Variants in SCIN observed in about 807,000 individuals in gnomAD.
SCIN encodes the protein scinderin.
In SCIN, 91 loss-of-function variants were observed where a neutral mutation model predicts 91.8. That is an observed-to-expected ratio of 0.99 (90% CI 0.84 to 1.18). The LOEUF is 1.18. Ranked by LOEUF, SCIN falls within the 50% of genes most tolerant of loss-of-function variation. The probability of loss-of-function intolerance (pLI) is 0.00; values close to 1 mark genes in which losing one functional copy is unlikely to be tolerated. For missense variants in SCIN, 1,087 were observed against 863.9 expected (o/e 1.26, Z -3.24); for synonymous variants, 367 against 312.6 (o/e 1.17, Z -1.84).
intron 4 of SCIN, among the ~76,000 whole-genome samples, chr7:12,618,390 AAT>A (rs1352571117): frequency 6.6e-6 from 1 of 152,078 alleles, no homozygotes; most frequent in Non-Finnish European, 1.5e-5. Flanking sequence ...TTTTTATCCA[AAT>A]ATGCTTTCCT....
chr7:12,649,961 A>G (rs572756299), intron 14 of SCIN, among the ~76,000 whole-genome samples: 40 of 152,286 alleles, frequency 2.6e-4, no homozygotes, highest in African/African-American at 9.1e-4. Context: ...CCTGGGGAAG[A>G]AACAGGCAGA....
At chr7:12,625,431 C>CTTTTTTTTTTTTTTTTTTTTTTTTT (rs10656602) in intron 6 of SCIN, among the ~76,000 whole-genome samples, 2 of 97,556 alleles carry the variant, frequency 2.1e-5, no homozygotes, top group African/African-American at 4.1e-5. Context: ...TTTTGCTATT[C>CTTTTTTTTTTTTTTTTTTTTTTTTT]TTTTTTTTTT....
chr7:12,591,477 G>A (rs1782721176), intron 3 of SCIN, among the ~76,000 whole-genome samples: 1 of 152,178 alleles, frequency 6.6e-6, no homozygotes. Flanking sequence ...GCAAAGGAAG[G>A]AGGATTTCCT....
At position 12,626,711 on chromosome 7, in the gene SCIN, A is replaced by C. The variant is rs968517201; in HGVS notation, c.1109A>C (p.Gln370Pro). The change falls in exon 8 of 16, where the codon CAA becomes CCA. Residue 370 changes from glutamine (Q) to proline (P), a missense_variant. Coordinates refer to ENST00000297029, the MANE Select transcript of SCIN (RefSeq NM_001112706.3). The stretch of plus-strand genomic sequence containing the variant: ...ACAGAGAAAGTGGCTCAAATAAAAC[A>C]AATTCCCTTTGATGCCTCAAAATTA... ...YVTEKVAQIK[Q>P]IPFDASKLHS... 1 of 1,602,246 alleles carries C rather than the reference A, an allele frequency of 6.2e-7. No homozygotes were observed. The highest frequency in any genetic ancestry group is 1.3e-5 in the African/African-American group (1 of 74,734).
intron 6 of SCIN, among the ~76,000 whole-genome samples, chr7:12,625,546 G>A (rs1226866567): frequency 1.3e-5 from 2 of 150,270 alleles, no homozygotes; most frequent in African/African-American, 4.9e-5. Flanking sequence ...AGCCAGGATG[G>A]TCTCGATCTC....
At chr7:12,633,871 G>A (rs758761453) in intron 9 of SCIN, among the ~76,000 whole-genome samples, 1 of 152,086 alleles carries the variant, frequency 6.6e-6, no homozygotes, top group Non-Finnish European at 1.5e-5. Context: ...AGGCTCTTGG[G>A]AAATGTAGGC....
chr7:12,634,102 A>G (rs920584156), intron 9 of SCIN, among the ~76,000 whole-genome samples: 2 of 152,096 alleles, frequency 1.3e-5, no homozygotes, highest in Non-Finnish European at 2.9e-5. Context: ...GTATTGCCCA[A>G]CGTGGCAGGT....
At chr7:12,634,712 C>T (rs1417232575) in intron 9 of SCIN, among the ~76,000 whole-genome samples, 2 of 152,154 alleles carry the variant, frequency 1.3e-5, no homozygotes, top group South Asian at 4.2e-4. Context: ...TGTTTTTTTA[C>T]TGTCTTCTCT....
Position 12,593,029 on chromosome 7 carries a change from G to A in SCIN, c.517-11485G>A, listed in dbSNP as rs183969672. ...TTCTTCACTTTTTGTCTTGTTGAAG[G>A]GATGGTGGCTCTGAGGAGCATGCTT... On this transcript the variant is annotated intron_variant, in intron 3 of 15. Transcript: ENST00000297029. 2.2e-3 allele frequency among the ~76,000 whole-genome samples: 342 copies of A among 152,306 alleles called. 1 individual carries two copies. Among genetic ancestry groups the A allele is most frequent in the Non-Finnish European group, 3.4e-3 (233 of 68,016 alleles).
intron 3 of SCIN, among the ~76,000 whole-genome samples, chr7:12,583,514 A>G (rs1202049235): frequency 6.6e-6 from 1 of 152,154 alleles, no homozygotes; most frequent in Non-Finnish European, 1.5e-5. Context: ...ACACTAAGCT[A>G]ACTTGGTAGT....
Position 12,622,826 on chromosome 7 carries a change from C to T in SCIN, c.692C>T (p.Pro231Leu), listed in dbSNP as rs766779402. 1.2e-6 allele frequency: 2 copies of T among 1,612,898 alleles called. No homozygotes were observed. The highest frequency in any genetic ancestry group is 1.1e-5 in the South Asian group (1 of 91,002). Reference protein sequence around the residue: ...IKVLGEKPELPDGGDDDDIIA... With the variant: ...IKVLGEKPELLDGGDDDDIIA... ...GTCTTAGGGGAAAAGCCAGAGCTTC[C>T]AGATGGAGGTGATGATGATGACATT... The change falls in exon 5 of 16, where the codon CCA becomes CTA. Residue 231 changes from proline to leucine, a missense_variant. Pro to Leu is a moderately conservative substitution (Grantham distance 98). Transcript: ENST00000297029.
chr7:12,585,677 T>C (rs1002081502), intron 3 of SCIN, among the ~76,000 whole-genome samples: 1 of 152,210 alleles, frequency 6.6e-6, no homozygotes, highest in Non-Finnish European at 1.5e-5. Context: ...TCCTGACTTC[T>C]CCCAAGTGCT....
chr7:12,606,469 G>C (rs933113840), intron 4 of SCIN, among the ~76,000 whole-genome samples: 1 of 152,158 alleles, frequency 6.6e-6, no homozygotes, highest in Admixed American at 6.5e-5. Context: ...ATAACTTTAT[G>C]TATTGTAATG....
Position 12,626,627 on chromosome 7 carries a change from A to C in SCIN, c.1025A>C (p.Gln342Pro), listed in dbSNP as rs1234370922. The change falls in exon 8 of 16, where the codon CAG becomes CCG. Residue 342 changes from glutamine to proline, a missense_variant. Transcript: ENST00000297029. The part of the protein sequence containing the change: ...PEGGETPIFK[Q>P]FFKDWRDKDQ... ...GGAGGTGAAACACCAATCTTCAAAC[A>C]GTTTTTTAAGGACTGGAGAGATAAA... 1 of 1,552,294 alleles carries C rather than the reference A, an allele frequency of 6.4e-7. No homozygotes were observed. Among genetic ancestry groups the C allele is most frequent in the African/African-American group, 1.4e-5 (1 of 73,100 alleles).
intron 13 of SCIN, among the ~76,000 whole-genome samples, chr7:12,648,961 A>AT (rs1330211179): frequency 2.6e-5 from 4 of 152,162 alleles, no homozygotes; most frequent in South Asian, 2.1e-4. Flanking sequence ...GGATTATGTA[A>AT]TTTTTTATAT....
intron 3 of SCIN, among the ~76,000 whole-genome samples, chr7:12,596,938 A>G (rs1478195699): frequency 6.6e-6 from 1 of 152,162 alleles, no homozygotes; most frequent in Non-Finnish European, 1.5e-5. Context: ...TCTTCTCTCT[A>G]TCACCACTGA....
At chr7:12,647,380 A>C (rs1312465664) in intron 13 of SCIN, among the ~76,000 whole-genome samples, 1 of 152,224 alleles carries the variant, frequency 6.6e-6, no homozygotes, top group Non-Finnish European at 1.5e-5. Context: ...TTACACGTGT[A>C]GATTCCTACA....
Position 12,570,990 on chromosome 7 carries a change from G to A in SCIN, c.199+5G>A, listed in dbSNP as rs1782256474. On this transcript the variant is annotated splice_donor_5th_base_variant and intron_variant, in intron 1 of 15. Coordinates refer to ENST00000297029, the MANE Select transcript of SCIN (RefSeq NM_001112706.3). ...ACCACCTGCACTTCTGGCTCGGTAA[G>A]GGACGGCGGGCGGCGGGACCCCGAC... 6.5e-7 allele frequency: 1 copy of A among 1,546,624 alleles called. No individual in the cohort carries two copies. The highest frequency in any genetic ancestry group is 8.7e-7 in the Non-Finnish European group (1 of 1,143,854).
rs774450936 is a variant in SCIN, at chr7:12,651,700, G to A, written c.1960-141G>A. ...CTGGGAAAGTGATGGTACCTCTCTG[G>A]GCCACCACCTCCACGTCCCTAACTT... On this transcript the variant is annotated intron_variant, in intron 14 of 15. Transcript: ENST00000297029. This position sits in a 1 kb window ranked among gnomAD's most constrained non-coding sequence, Gnocchi z 5.9. 1 of 582,814 alleles carries A rather than the reference G, an allele frequency of 1.7e-6. No individual in the cohort carries two copies. The highest frequency in any genetic ancestry group is 1.9e-5 in the African/African-American group (1 of 52,702). The allele number at this position is 582,814 out of a possible 1,614,324, so 36.1% of individuals were successfully genotyped here. A position where few individuals can be genotyped will look rare whatever the true frequency, so the allele number is the denominator to read the frequency against.
Sources: allele counts gnomAD v4.1 joint callset (sites outside exome capture counted in the v4.1 genomes callset), GRCh38; gene constraint gnomAD v4.1.1; non-coding constraint Gnocchi (gnomAD v3.1); transcripts MANE v1.5; gene names NCBI Gene and HGNC (gene_info 2026-07-23, HGNC 2026-07-21).